TESC: variants seen among roughly 807,000 people sequenced by gnomAD.
TESC encodes the protein calcineurin B homologous protein 3.
Under a neutral mutation model 31.0 loss-of-function variants are expected in TESC, and 19 were observed. That is an observed-to-expected ratio of 0.61 (90% CI 0.43 to 0.90). TESC has a LOEUF of 0.90. Ranked by LOEUF, TESC falls within the 40% of genes least tolerant of loss-of-function variation. TESC has a pLI of 0.00. For synonymous variants in TESC, 109 were observed against 114.8 expected, an observed-to-expected ratio of 0.95 and a Z score of 0.32; for missense variants, 248 against 303.8, an observed-to-expected ratio of 0.82 and a Z score of 1.36.
At chr12:117,053,757 C>A (rs140699418) in intron 3 of TESC, among the ~76,000 whole-genome samples, 1 of 152,226 alleles carries the variant, frequency 6.6e-6, no homozygotes, top group African/African-American at 2.4e-5. Context: ...CGCGCACACA[C>A]ACATACACAT....
intron 3 of TESC, among the ~76,000 whole-genome samples, chr12:117,049,903 GAAAAAAAAAAA>G (rs66797686): frequency 4.6e-5 from 4 of 86,454 alleles, no homozygotes; most frequent in Admixed American, 2.9e-4. Context: ...CCTGTCTCAA[GAAAAAAAAAAA>G]AAAAAAAAAA....
Position 117,056,787 on chromosome 12 carries a change from T to G in TESC, c.209+19A>C. ...ACAAGGGTGCCTGCCACTGGGCTGGTTCAGGGGAAAACGCCCACCTGTTGT... is the reference window on the plus strand; with the variant it reads ...ACAAGGGTGCCTGCCACTGGGCTGGGTCAGGGGAAAACGCCCACCTGTTGT... On this transcript the variant is annotated intron_variant, in intron 3 of 7. Coordinates refer to ENST00000335209, the MANE Select transcript of TESC (RefSeq NM_017899.4). The G allele has an allele frequency of 1.9e-6, 3 of 1,613,624 alleles. No individual in the cohort carries two copies. The highest frequency in any genetic ancestry group is 2.5e-6 in the Non-Finnish European group (3 of 1,179,624).
intron 1 of TESC, among the ~76,000 whole-genome samples, chr12:117,077,214 G>A (rs551552193): frequency 6.6e-6 from 1 of 152,290 alleles, no homozygotes; most frequent in South Asian, 2.1e-4. Context: ...CTGTGGGCAT[G>A]GCTCCAATGA....
At chr12:117,086,339 T>C (rs990443855) in intron 1 of TESC, among the ~76,000 whole-genome samples, 1 of 152,146 alleles carries the variant, frequency 6.6e-6, no homozygotes. Flanking sequence ...TGACCTCAAG[T>C]GATCTGCCCA....
intron 1 of TESC, among the ~76,000 whole-genome samples, chr12:117,083,222 G>A (rs1214530880): frequency 5.9e-5 from 9 of 152,126 alleles, no homozygotes; most frequent in Non-Finnish European, 1.3e-4. Flanking sequence ...GCACTGGGTG[G>A]CATGTGCCAC....
chr12:117,083,084 A>C (rs541057030), intron 1 of TESC, among the ~76,000 whole-genome samples: 50 of 121,962 alleles, frequency 4.1e-4, no homozygotes, highest in Middle Eastern at 8.1e-3. Context: ...TTCTACTCCA[A>C]AACAATTTTT....
At chr12:117,081,144 A>C (rs965551636) in intron 1 of TESC, among the ~76,000 whole-genome samples, 15 of 152,162 alleles carry the variant, frequency 9.9e-5, no homozygotes, top group African/African-American at 3.6e-4. Context: ...CTTCAACGTG[A>C]AGGAACACAC....
intron 1 of TESC, among the ~76,000 whole-genome samples, chr12:117,089,580 T>C (rs1225783218): frequency 1.3e-5 from 2 of 152,294 alleles, no homozygotes; most frequent in South Asian, 2.1e-4. Flanking sequence ...TTGAAAACTA[T>C]ATAGCACTTA....
At chr12:117,073,086 G>A (rs143039395) in intron 2 of TESC, among the ~76,000 whole-genome samples, 7 of 152,306 alleles carry the variant, frequency 4.6e-5, no homozygotes, top group Non-Finnish European at 5.9e-5. Context: ...CTAGATCTCA[G>A]TGCCTGGCTG....
intron 4 of TESC, 28 bp downstream of exon 4, chr12:117,048,991 G>A (rs759924790): frequency 6.2e-7 from 1 of 1,613,964 alleles, no homozygotes; most frequent in Non-Finnish European, 8.5e-7. Flanking sequence ...CAGGCCAGGT[G>A]TGAGCAAGGG....
intron 1 of TESC, among the ~76,000 whole-genome samples, chr12:117,090,155 T>C (rs1351071580): frequency 6.6e-6 from 1 of 152,130 alleles, no homozygotes; most frequent in East Asian, 1.9e-4. Flanking sequence ...AGAGCCTCAC[T>C]GAAAAATCTA....
intron 4 of TESC, chr12:117,048,670 G>A (rs1954602635): frequency 2.1e-6 from 1 of 484,154 alleles, no homozygotes; most frequent in Admixed American, 2.3e-5. Context: ...AACCACGCAT[G>A]ATCGGCATAC....
At chr12:117,042,034 G>A (rs775637757) in intron 6 of TESC, 40 bp from the exon 7 acceptor site, 2 of 1,572,482 alleles carry the variant, frequency 1.3e-6, no homozygotes, top group Admixed American at 1.8e-5. Context: ...AGTGGCGCAG[G>A]TCCCCACACA....
chr12:117,071,679 G>A (rs1286040858), intron 2 of TESC, among the ~76,000 whole-genome samples: 3 of 152,162 alleles, frequency 2.0e-5, no homozygotes, highest in Non-Finnish European at 4.4e-5. Context: ...TGAGGTCCTG[G>A]GGATGGGTGT....
intron 3 of TESC, among the ~76,000 whole-genome samples, chr12:117,052,787 G>A (rs527264397): frequency 1.1e-3 from 160 of 150,818 alleles, no homozygotes; most frequent in Admixed American, 1.6e-3. Flanking sequence ...CACACCTCTA[G>A]TCAGTGCCCT....
chr12:117,068,389 G>GT (rs1954916450), intron 2 of TESC, among the ~76,000 whole-genome samples: 1 of 152,276 alleles, frequency 6.6e-6, no homozygotes, highest in Admixed American at 6.5e-5. Flanking sequence ...AATTAGCCAG[G>GT]TGTGGAGGTG....
chr12:117,095,283 C>T (rs2135808659), intron 1 of TESC, among the ~76,000 whole-genome samples: 1 of 152,200 alleles, frequency 6.6e-6, no homozygotes, highest in African/African-American at 2.4e-5. Flanking sequence ...CTATCTTGGC[C>T]AGGCTGGTCT....
chr12:117,075,885 A>ATATATATATATGTGTG (rs1955054364), intron 1 of TESC, among the ~76,000 whole-genome samples: 2 of 46,258 alleles, frequency 4.3e-5, no homozygotes, highest in Non-Finnish European at 7.8e-5. Context: ...GTATATATAT[A>ATATATATATATGTGTG]TATATATATA....
chr12:117,041,070 C>T (rs1011443417), intron 7 of TESC, among the ~76,000 whole-genome samples: 1 of 151,956 alleles, frequency 6.6e-6, no homozygotes, highest in Non-Finnish European at 1.5e-5. Flanking sequence ...CTCTCCCTGC[C>T]ACAGGGCATC....
Sources: gnomAD v4.1 joint callset for allele counts (sites outside exome capture counted in the v4.1 genomes callset) on GRCh38, gnomAD v4.1.1 for gene constraint, MANE v1.5 for transcripts, NCBI Gene and HGNC (gene_info 2026-07-23, HGNC 2026-07-21) for gene names.